WDHD1: variants seen among roughly 807,000 people sequenced by gnomAD.
The protein encoded by WDHD1 is WD repeat and HMG-box DNA binding protein 1.
Under a neutral mutation model 135.4 loss-of-function variants are expected in WDHD1, and 111 were observed. The observed-to-expected ratio is 0.82, with a 90% CI of 0.70 to 0.96. The LOEUF (loss-of-function observed/expected upper bound fraction) is 0.96, where lower values mean the gene tolerates loss of function less well. Among genes scored for constraint, WDHD1 ranks in the 40% least tolerant of loss-of-function variants. WDHD1 has a pLI of 0.00. For missense variants in WDHD1, 1,351 were observed against 1,336.3 expected (o/e 1.01, Z -0.17); for synonymous variants, 434 against 439.0 (o/e 0.99, Z 0.14).
At chr14:54,942,969 A>G (rs2140143606) in intron 25 of WDHD1, among the ~76,000 whole-genome samples, 1 of 152,370 alleles carries the variant, frequency 6.6e-6, no homozygotes, top group Admixed American at 6.5e-5. Context: ...GAAACATAAA[A>G]TTGTAAATGA....
rs183074919 is a variant in WDHD1 at position 54,954,759 on chromosome 14, C to T, written c.3050+802G>A. Among the ~76,000 whole-genome samples the T allele has an allele frequency of 3.2e-3, 486 of 152,152 alleles. 3 individuals carry two copies. Among genetic ancestry groups the T allele is most frequent in the African/African-American group, 0.011 (458 of 41,504 alleles). ...TTTTGGTTTTTTTGAGACAGAGTTTCGCTTTTGTTGCCCAGGCTGGAGTGC... is the reference window on the plus strand; with the variant it reads ...TTTTGGTTTTTTTGAGACAGAGTTTTGCTTTTGTTGCCCAGGCTGGAGTGC... On this transcript the variant is annotated intron_variant, in intron 24 of 25. Transcript: ENST00000360586.
intron 16 of WDHD1, among the ~76,000 whole-genome samples, chr14:54,970,564 A>C (rs1237008522): frequency 6.6e-6 from 1 of 151,686 alleles, no homozygotes; most frequent in Non-Finnish European, 1.5e-5. Flanking sequence ...AATCAATATC[A>C]TTAAAATGAC....
intron 10 of WDHD1, among the ~76,000 whole-genome samples, chr14:54,998,019 C>G (rs557674188): frequency 6.6e-6 from 1 of 151,956 alleles, no homozygotes; most frequent in South Asian, 2.1e-4. Flanking sequence ...CAAGACCAGC[C>G]TGGCTAACAT....
intron 23 of WDHD1, among the ~76,000 whole-genome samples, chr14:54,955,991 G>A (rs754947946): frequency 4.2e-5 from 6 of 143,988 alleles, no homozygotes; most frequent in African/African-American, 7.8e-5. Flanking sequence ...TCCACCCTCC[G>A]AGTTCAAGTG....
At chr14:54,992,288 C>G (rs1423322883) in intron 11 of WDHD1, among the ~76,000 whole-genome samples, 2 of 151,770 alleles carry the variant, frequency 1.3e-5, no homozygotes, top group Non-Finnish European at 2.9e-5. Context: ...GTCAGGAGTC[C>G]GAGACCAGAT....
chr14:55,017,529 G>T (rs761143902), intron 2 of WDHD1, among the ~76,000 whole-genome samples: 66 of 152,150 alleles, frequency 4.3e-4, no homozygotes, highest in Non-Finnish European at 7.6e-4. Flanking sequence ...TTTTCATAGA[G>T]ATGGGGTTTC....
intron 12 of WDHD1, among the ~76,000 whole-genome samples, chr14:54,990,597 A>C (rs1353019577): frequency 6.8e-6 from 1 of 147,368 alleles, no homozygotes; most frequent in African/African-American, 2.5e-5. Flanking sequence ...CTCCATCTCA[A>C]AAAAAAAAAA....
intron 2 of WDHD1, among the ~76,000 whole-genome samples, chr14:55,015,071 A>G (rs201658084): frequency 2.0e-5 from 3 of 152,340 alleles, no homozygotes; most frequent in East Asian, 1.9e-4. Flanking sequence ...TAGGAGGACT[A>G]TAAGTCTCAG....
intron 3 of WDHD1, 149 bp downstream of exon 3, chr14:55,013,336 G>T: frequency 1.9e-6 from 1 of 530,872 alleles, no homozygotes; most frequent in Non-Finnish European, 3.2e-6. Flanking sequence ...AAAAATGGTA[G>T]GGCAAGTTAC....
At chr14:55,015,490 T>C (rs1192386952) in intron 2 of WDHD1, among the ~76,000 whole-genome samples, 1 of 149,856 alleles carries the variant, frequency 6.7e-6, no homozygotes, top group Non-Finnish European at 1.5e-5. Context: ...ACATAACACA[T>C]GGTTAAATCT....
chr14:54,968,398 A>G (rs996490861), intron 16 of WDHD1, among the ~76,000 whole-genome samples: 2 of 152,336 alleles, frequency 1.3e-5, no homozygotes, highest in African/African-American at 4.8e-5. Flanking sequence ...CTAAACACCT[A>G]TATCAAGTTA....
At chr14:55,024,640 A>G (rs1022338616) in intron 2 of WDHD1, among the ~76,000 whole-genome samples, 1 of 151,252 alleles carries the variant, frequency 6.6e-6, no homozygotes, top group African/African-American at 2.4e-5. Flanking sequence ...GTACTAAGAA[A>G]AATTCTTCTG....
rs762020548 is a variant in WDHD1, at chr14:54,957,042, G to A, written c.2908C>T (p.Pro970Ser). Residue 970 changes from proline (P) to serine (S), a missense_variant, in exon 23 of 26, where the codon CCT (proline) becomes TCT (serine). By Grantham distance (74) the Pro-to-Ser change is moderately conservative. This residue lies in a region of WDHD1 where 1,330 missense variants were observed against 1,296.1 expected (regional missense o/e 1.03). Coordinates refer to ENST00000360586, the MANE Select transcript of WDHD1 (RefSeq NM_007086.4). The stretch of plus-strand genomic sequence containing the variant: ...GGTAGCTGAAACAGTACCTGCTTAG[G>A]CTTCGGCTTTGGAATCAGAGGCTTT... ...IIKPLIPKPK[P>S]KQASAASYFQ... 1.2e-6 allele frequency: 2 copies of A among 1,613,704 alleles called. No individual in the cohort carries two copies. Among genetic ancestry groups the A allele is most frequent in the Admixed American group, 3.3e-5 (2 of 59,978 alleles).
chr14:55,008,243 C>A, intron 6 of WDHD1, 73 bp downstream of exon 6: 1 of 1,398,260 alleles, frequency 7.2e-7, no homozygotes, highest in Non-Finnish European at 9.9e-7. Flanking sequence ...ATTAATTTGG[C>A]CCAGTAATAC....
At position 55,026,810 on chromosome 14, in the gene WDHD1, A is replaced by T. The variant is rs771741672; in HGVS notation, c.-16-7T>A. On this transcript the variant is annotated splice_region_variant and splice_polypyrimidine_tract_variant and intron_variant, in intron 1 of 25. Transcript: ENST00000360586. ...CATGTTTTCCTTTACCTATCTGAAA[A>T]TGTTTTATAAAAGCCAGTCTTATTA... The T allele has an allele frequency of 5.0e-6, 8 of 1,613,374 alleles. No homozygotes were observed. The highest frequency in any genetic ancestry group is 3.4e-6 in the Non-Finnish European group (4 of 1,179,494).
intron 7 of WDHD1, among the ~76,000 whole-genome samples, chr14:55,005,933 T>C (rs2042061632): frequency 6.6e-6 from 1 of 152,180 alleles, no homozygotes; most frequent in Non-Finnish European, 1.5e-5. Flanking sequence ...GACAAGATCA[T>C]AGCCCACTGC....
rs374899845 is a variant in WDHD1 at position 54,994,148 on chromosome 14, G to A, written c.1153+1455C>T. ...TAATGTTCAAGTGTTATTGTAGCAT[G>A]TAAGTTGTTACAATAAGCACTCTAT... On this transcript the variant is annotated intron_variant, in intron 11 of 25. Transcript: ENST00000360586. Among the ~76,000 whole-genome samples the A allele has an allele frequency of 4.0e-5, 6 of 151,802 alleles. No individual in the cohort carries two copies. The East Asian group carries it at 9.7e-4, about 24-fold the overall frequency.
Position 54,979,073 on chromosome 14 carries a change from T to C in WDHD1, c.2063+2467A>G, listed in dbSNP as rs182255171. On this transcript the variant is annotated intron_variant, in intron 16 of 25. Coordinates refer to ENST00000360586, the MANE Select transcript of WDHD1 (RefSeq NM_007086.4). ...TTGCCAAAAGATTACAAAAATGCTA[T>C]AGAGTCACCTAAGCTAAAAAATCCC... is the stretch of plus-strand genomic sequence containing the variant. Among the ~76,000 whole-genome samples the C allele has an allele frequency of 1.5e-3, 233 of 152,300 alleles. 1 individual carries two copies. The highest frequency in any genetic ancestry group is 5.4e-3 in the African/African-American group (223 of 41,576).
intron 11 of WDHD1, among the ~76,000 whole-genome samples, chr14:54,995,049 T>C (rs2041854680): frequency 6.6e-6 from 1 of 152,312 alleles, no homozygotes; most frequent in African/African-American, 2.4e-5. Context: ...TGACGCGATC[T>C]CGGCTCACTG....
Sources: allele counts gnomAD v4.1 joint callset (sites outside exome capture counted in the v4.1 genomes callset), GRCh38; gene constraint gnomAD v4.1.1; regional missense constraint gnomAD v4.1.1; transcripts MANE v1.5; gene names NCBI Gene and HGNC (gene_info 2026-07-23, HGNC 2026-07-21).